The following MAN1A1 variants were observed in gnomAD, a reference collection of about 807,000 sequenced individuals.
MAN1A1 encodes mannosyl-oligosaccharide 1,2-alpha-mannosidase IA.
A neutral mutation model predicts 70.8 loss-of-function variants in MAN1A1; 29 were observed. That is an observed-to-expected ratio of 0.41 (90% CI 0.31 to 0.56). The LOEUF (loss-of-function observed/expected upper bound fraction) is 0.56, where lower values mean the gene tolerates loss of function less well. MAN1A1 is among the 20% of genes least tolerant of loss of function. The pLI is 0.29. For missense variants in MAN1A1, 747 were observed against 841.3 expected (o/e 0.89, Z 1.39); for synonymous variants, 349 against 330.1 (o/e 1.06, Z -0.62).
At chr6:119,347,199 T>C (rs1773752425) in intron 2 of MAN1A1, among the ~76,000 whole-genome samples, 6 of 152,182 alleles carry the variant, frequency 3.9e-5, no homozygotes, top group Non-Finnish European at 8.8e-5. Flanking sequence ...CTTAACCAAA[T>C]TCAGCTGATC....
At chr6:119,265,485 A>G (rs1483781137) in intron 5 of MAN1A1, among the ~76,000 whole-genome samples, 2 of 152,176 alleles carry the variant, frequency 1.3e-5, no homozygotes, top group East Asian at 1.9e-4. Flanking sequence ...TAAACACTTC[A>G]GGAAACTTGA....
chr6:119,181,148 A>G (rs957879704), intron 11 of MAN1A1, among the ~76,000 whole-genome samples: 1 of 152,192 alleles, frequency 6.6e-6, no homozygotes, highest in African/African-American at 2.4e-5. Context: ...TTGTACTACA[A>G]TGACAGAGCT....
At chr6:119,272,726 C>T (rs1197346000) in intron 5 of MAN1A1, among the ~76,000 whole-genome samples, 3 of 152,042 alleles carry the variant, frequency 2.0e-5, no homozygotes, top group Non-Finnish European at 4.4e-5. Flanking sequence ...ACCACACTTT[C>T]GATTGATTTA....
upstream of MAN1A1, chr6:119,349,854 G>T (rs956607995): frequency 3.7e-5 from 25 of 667,478 alleles, no homozygotes; most frequent in Admixed American, 6.3e-5. Context: ...CGCCGCCCAG[G>T]GTCCCGCGGG....
At chr6:119,262,748 A>G (rs535173617) in intron 5 of MAN1A1, among the ~76,000 whole-genome samples, 1 of 152,330 alleles carries the variant, frequency 6.6e-6, no homozygotes, top group Admixed American at 6.5e-5. Flanking sequence ...GCAGTAGACT[A>G]GATAAAGAAA....
intron 6 of MAN1A1, among the ~76,000 whole-genome samples, chr6:119,205,258 T>C (rs1773828518): frequency 6.6e-6 from 1 of 152,216 alleles, no homozygotes. Flanking sequence ...AACATTTTAA[T>C]TTCAGCCTAA....
chr6:119,179,987 G>A (rs1219118763), intron 12 of MAN1A1, 42 bp from the exon 13 acceptor site: 12 of 1,603,336 alleles, frequency 7.5e-6, no homozygotes, highest in Non-Finnish European at 1.0e-5. Flanking sequence ...AAGACACTAG[G>A]CAGGCAGTGA....
At chr6:119,184,899 TA>T (rs945772278) in intron 11 of MAN1A1, among the ~76,000 whole-genome samples, 5 of 151,722 alleles carry the variant, frequency 3.3e-5, no homozygotes, top group South Asian at 2.1e-4. Flanking sequence ...TTTTTTTTTT[TA>T]AAATTTTCAA....
chr6:119,278,898 C>T (rs528028076), intron 5 of MAN1A1, among the ~76,000 whole-genome samples: 83 of 152,228 alleles, frequency 5.5e-4, no homozygotes, highest in African/African-American at 2.0e-3. Context: ...CTTCCTGAGG[C>T]TTCATGAGAA....
At chr6:119,265,933 G>C (rs1474030332) in intron 5 of MAN1A1, among the ~76,000 whole-genome samples, 1 of 152,072 alleles carries the variant, frequency 6.6e-6, no homozygotes, top group African/African-American at 2.4e-5. Flanking sequence ...CAGGATAAAA[G>C]GTTAATATAG....
chr6:119,239,986 G>C (rs1774958633), intron 6 of MAN1A1, among the ~76,000 whole-genome samples: 1 of 152,202 alleles, frequency 6.6e-6, no homozygotes, highest in Non-Finnish European at 1.5e-5. Flanking sequence ...TGAGATGAAA[G>C]CCACTTTGAA....
intron 5 of MAN1A1, among the ~76,000 whole-genome samples, chr6:119,272,906 A>C (rs1775963430): frequency 6.6e-6 from 1 of 152,184 alleles, no homozygotes; most frequent in Non-Finnish European, 1.5e-5. Context: ...ATGTGAACTG[A>C]GGATAATATT....
chr6:119,318,194 T>C (rs1772907134), intron 2 of MAN1A1, among the ~76,000 whole-genome samples: 1 of 152,256 alleles, frequency 6.6e-6, no homozygotes, highest in Admixed American at 6.5e-5. Context: ...TGTATTTTCT[T>C]ATCATCATCC....
intron 6 of MAN1A1, among the ~76,000 whole-genome samples, chr6:119,239,910 C>A (rs1774957161): frequency 6.6e-6 from 1 of 152,202 alleles, no homozygotes; most frequent in Admixed American, 6.5e-5. Flanking sequence ...GATTCGCAAC[C>A]AATTGTGTGA....
intron 5 of MAN1A1, among the ~76,000 whole-genome samples, chr6:119,250,892 T>C (rs576034697): frequency 6.6e-6 from 1 of 152,232 alleles, no homozygotes; most frequent in African/African-American, 2.4e-5. Context: ...CAACATGGAA[T>C]TAATCATTTA....
At position 119,308,296 on chromosome 6, in the gene MAN1A1, T is replaced by C. The variant is rs74296937; in HGVS notation, c.604-1304A>G. The stretch of plus-strand genomic sequence containing the variant: ...CATTGCATCACCTTCCTTTAATGAG[T>C]CAGCAAAAAAAATCTTCCTTTACTG... On this transcript the variant is annotated intron_variant, in intron 2 of 12. Coordinates refer to ENST00000368468, the MANE Select transcript of MAN1A1 (RefSeq NM_005907.4). Among the ~76,000 whole-genome samples the C allele has an allele frequency of 3.0e-4, 45 of 152,116 alleles. No individual in the cohort carries two copies. In the East Asian group the frequency reaches 8.1e-3, roughly 27 times the overall value.
chr6:119,303,343 T>C (rs1772445144), intron 3 of MAN1A1, among the ~76,000 whole-genome samples: 2 of 152,190 alleles, frequency 1.3e-5, no homozygotes, highest in South Asian at 4.1e-4. Context: ...AAACAAGTCA[T>C]GTCTTATCTC....
Position 119,201,382 on chromosome 6 carries a change from T to C in MAN1A1, c.1117-35A>G, listed in dbSNP as rs771707759. The C allele has an allele frequency of 1.1e-5, 15 of 1,427,870 alleles. No homozygotes were observed. In the South Asian group the frequency reaches 1.7e-4, roughly 17 times the overall value. 88.5% of individuals were successfully genotyped at this position (1,427,870 alleles called of 1,614,324 possible). A position where few individuals can be genotyped will look rare whatever the true frequency, so the allele number is the denominator to read the frequency against. On this transcript the variant is annotated intron_variant, in intron 7 of 12. Coordinates refer to ENST00000368468, the MANE Select transcript of MAN1A1 (RefSeq NM_005907.4). ...AAAATAAAATGTTACCGTGAAAATCTAAAAAACAATTTTCATGCCATTCTT... is the reference window on the plus strand; with the variant it reads ...AAAATAAAATGTTACCGTGAAAATCCAAAAAACAATTTTCATGCCATTCTT...
chr6:119,336,216 C>T (rs1345623170), intron 2 of MAN1A1, among the ~76,000 whole-genome samples: 1 of 152,164 alleles, frequency 6.6e-6, no homozygotes, highest in Non-Finnish European at 1.5e-5. Context: ...ACTACAGGCT[C>T]ACGCCACCAC....
Sources: allele counts gnomAD v4.1 joint callset (sites outside exome capture counted in the v4.1 genomes callset), GRCh38; gene constraint gnomAD v4.1.1; transcripts MANE v1.5; gene names NCBI Gene and HGNC (gene_info 2026-07-23, HGNC 2026-07-21).